Variants in FAM184A observed in about 807,000 individuals in gnomAD.
The protein encoded by FAM184A is protein FAM184A.
FAM184A carries 99 observed loss-of-function variants against 143.8 expected under a neutral mutation model. That is an observed-to-expected ratio of 0.69 (90% CI 0.58 to 0.81). The LOEUF (loss-of-function observed/expected upper bound fraction) is 0.81, where lower values mean the gene tolerates loss of function less well. Among genes scored for constraint, FAM184A ranks in the 40% least tolerant of loss-of-function variants. FAM184A has a pLI of 0.00. For missense variants in FAM184A, 1,217 were observed against 1,310.5 expected, an observed-to-expected ratio of 0.93 and a Z score of 1.10; for synonymous variants, 427 against 446.4, an observed-to-expected ratio of 0.96 and a Z score of 0.55.
intron 2 of FAM184A, among the ~76,000 whole-genome samples, chr6:119,023,530 T>C (rs562531075): frequency 6.6e-6 from 1 of 150,548 alleles, no homozygotes; most frequent in East Asian, 2.0e-4. Flanking sequence ...TAAAATCCTT[T>C]TGTAAATAAT....
At chr6:119,022,918 T>A in intron 3 of FAM184A, 27 bp downstream of exon 3, 4 of 1,613,174 alleles carry the variant, frequency 2.5e-6, no homozygotes, top group South Asian at 2.2e-5. Context: ...AGCTAAGCAT[T>A]ACATCAAAAA....
intron 1 of FAM184A, among the ~76,000 whole-genome samples, chr6:119,134,665 A>G (rs1789616089): frequency 6.6e-6 from 1 of 151,778 alleles, no homozygotes; most frequent in Non-Finnish European, 1.5e-5. Flanking sequence ...AAAAAAAAAA[A>G]AAAAGAGAAA....
At chr6:119,054,523 T>C (rs746451329) in intron 1 of FAM184A, among the ~76,000 whole-genome samples, 92 of 152,192 alleles carry the variant, frequency 6.0e-4, no homozygotes, top group Non-Finnish European at 9.8e-4. Flanking sequence ...TCTTTCCTCA[T>C]GACCTTAGCA....
rs61476918 is a variant in FAM184A, at chr6:118,991,751, C to CTTTTTTTT, written c.2088+11140_2088+11147dup. 4.5e-4 allele frequency among the ~76,000 whole-genome samples: 19 copies of CTTTTTTTT among 42,376 alleles called. 2 individuals are homozygous for CTTTTTTTT. The highest frequency in any genetic ancestry group is 1.6e-3 in the East Asian group (2 of 1,260). The allele number at this position is 42,376 out of a possible 152,430, so 27.8% of individuals were successfully genotyped here. On this transcript the variant is annotated intron_variant, in intron 9 of 17. Transcript: ENST00000338891. ...ATTCAATGGGGTGCCCCTGAGAGGA[C>CTTTTTTTT]TTTTTTTTTTTTTTTTTTTTTTTTT...
At chr6:119,125,510 A>G (rs1789339786) in intron 1 of FAM184A, among the ~76,000 whole-genome samples, 1 of 152,172 alleles carries the variant, frequency 6.6e-6, no homozygotes, top group Non-Finnish European at 1.5e-5. Flanking sequence ...TGACCTCGTG[A>G]TCTAGCCGCC....
chr6:119,109,875 C>G (rs766034571), intron 1 of FAM184A, among the ~76,000 whole-genome samples: 2 of 152,042 alleles, frequency 1.3e-5, no homozygotes, highest in African/African-American at 2.4e-5. Context: ...TATTTTTAGA[C>G]CTATGTCTGA....
chr6:119,123,189 G>C (rs1789272465), intron 1 of FAM184A, among the ~76,000 whole-genome samples: 1 of 151,848 alleles, frequency 6.6e-6, no homozygotes, highest in Non-Finnish European at 1.5e-5. Context: ...GAAATTTTGA[G>C]ACCAGCCTGG....
intron 1 of FAM184A, among the ~76,000 whole-genome samples, chr6:119,128,114 A>G (rs1187324995): frequency 5.6e-4 from 85 of 152,256 alleles, no homozygotes; most frequent in African/African-American, 2.0e-3. Context: ...TAACATTAAA[A>G]CAGAGATCTT....
At chr6:118,976,544 A>G (rs1783853998) in intron 11 of FAM184A, among the ~76,000 whole-genome samples, 1 of 151,962 alleles carries the variant, frequency 6.6e-6, no homozygotes, top group African/African-American at 2.4e-5. Flanking sequence ...GGTTCCTGTA[A>G]TCTTAGCTAC....
intron 1 of FAM184A, among the ~76,000 whole-genome samples, chr6:119,146,024 TA>T (rs777390338): frequency 6.6e-6 from 1 of 152,214 alleles, no homozygotes; most frequent in Non-Finnish European, 1.5e-5. Flanking sequence ...GTGGCACTAG[TA>T]CCACTAGCGG....
At chr6:119,148,487 C>A (rs945523777) in intron 1 of FAM184A, among the ~76,000 whole-genome samples, 1 of 152,194 alleles carries the variant, frequency 6.6e-6, no homozygotes, top group African/African-American at 2.4e-5. Flanking sequence ...CCTGTCCCCA[C>A]GGCCAAGTCC....
chr6:118,972,093 A>G (rs1783714084), intron 14 of FAM184A, among the ~76,000 whole-genome samples: 2 of 151,972 alleles, frequency 1.3e-5, no homozygotes, highest in South Asian at 2.1e-4. Flanking sequence ...GTTGGAACCA[A>G]CTCTCCCTGC....
At chr6:119,097,906 T>C in intron 1 of FAM184A, among the ~76,000 whole-genome samples, 1 of 152,158 alleles carries the variant, frequency 6.6e-6, no homozygotes, top group African/African-American at 2.4e-5. Context: ...TCTGACTACA[T>C]TGTCTGATTG....
chr6:119,046,755 C>G (rs532671231), intron 1 of FAM184A, among the ~76,000 whole-genome samples: 2 of 152,244 alleles, frequency 1.3e-5, no homozygotes, highest in Admixed American at 6.5e-5. Context: ...GCCAGGAATG[C>G]AGAGCAGATC....
At chr6:119,049,555 AC>A (rs747553378) in intron 1 of FAM184A, among the ~76,000 whole-genome samples, 12 of 152,368 alleles carry the variant, frequency 7.9e-5, no homozygotes, top group Admixed American at 5.9e-4. Flanking sequence ...CTAATCTTTG[AC>A]AAAGCTGACA....
At chr6:119,147,510 C>T (rs1772491032) in intron 1 of FAM184A, among the ~76,000 whole-genome samples, 1 of 152,134 alleles carries the variant, frequency 6.6e-6, no homozygotes, top group South Asian at 2.1e-4. Context: ...AGATGATAGA[C>T]TGAATCTAGA....
intron 4 of FAM184A, among the ~76,000 whole-genome samples, chr6:119,019,751 A>G (rs73523382): frequency 0.03 from 4,529 of 152,350 alleles, 224 homozygotes; most frequent in African/African-American, 0.095. Flanking sequence ...GAAATGTCTT[A>G]AAGTTTTTAT....
At chr6:119,147,067 T>G (rs890437491) in intron 1 of FAM184A, among the ~76,000 whole-genome samples, 3 of 125,784 alleles carry the variant, frequency 2.4e-5, no homozygotes, top group Admixed American at 8.7e-5. Flanking sequence ...AGGCTCTGTT[T>G]TTTTTTTTTT....
intron 1 of FAM184A, among the ~76,000 whole-genome samples, chr6:119,097,472 G>A (rs1198105544): frequency 1.3e-5 from 2 of 152,180 alleles, no homozygotes; most frequent in African/African-American, 4.8e-5. Context: ...AGTGGATTCT[G>A]AGACAAGGAT....
Sources: allele counts gnomAD v4.1 joint callset (sites outside exome capture counted in the v4.1 genomes callset), GRCh38; gene constraint gnomAD v4.1.1; transcripts MANE v1.5; gene names NCBI Gene and HGNC (gene_info 2026-07-23, HGNC 2026-07-21).